CCDC3: variants seen among roughly 807,000 people sequenced by gnomAD.
CCDC3 encodes coiled-coil domain containing 3.
A neutral mutation model predicts 21.4 loss-of-function variants in CCDC3; 24 were observed. The ratio of observed to expected loss-of-function variants is 1.12; its 90% CI spans 0.81 to 1.58. The LOEUF (loss-of-function observed/expected upper bound fraction) is 1.58, where lower values mean the gene tolerates loss of function less well. Among genes scored for constraint, CCDC3 ranks in the 40% most tolerant of loss-of-function variants. CCDC3 has a pLI of 0.00. For missense variants in CCDC3, 425 were observed against 360.9 expected (o/e 1.18, Z -1.44); for synonymous variants, 186 against 166.0 (o/e 1.12, Z -0.93).
chr10:13,044,141 C>A (rs1033705327), intron 5 of CCDC3, among the ~76,000 whole-genome samples: 12 of 152,114 alleles, frequency 7.9e-5, no homozygotes, highest in Non-Finnish European at 1.5e-4. Flanking sequence ...TGTTTGTTGG[C>A]CATTTGTACA....
At chr10:13,042,928 G>C (rs1317587341) in intron 5 of CCDC3, among the ~76,000 whole-genome samples, 1 of 117,042 alleles carries the variant, frequency 8.5e-6, no homozygotes, top group Non-Finnish European at 1.8e-5. Context: ...AAAAAAAAAA[G>C]AAAAGAAAAA....
intron 4 of CCDC3, among the ~76,000 whole-genome samples, chr10:13,066,815 A>G (rs1445213981): frequency 6.6e-6 from 1 of 152,122 alleles, no homozygotes; most frequent in Non-Finnish European, 1.5e-5. Context: ...CTGGGATTCA[A>G]TCTGTGAGGT....
Position 12,897,187 on chromosome 10 carries a change from T to G in CCDC3, c.*1229A>C, listed in dbSNP as rs941882658. The stretch of plus-strand genomic sequence containing the variant: ...GGGCCCTTGTTGGGTTGAAAGGCCA[T>G]GATCAGAAGATAACCCAGAAAAGGC... On this transcript the variant is annotated 3_prime_UTR_variant, in exon 3 of 3. Coordinates refer to ENST00000378825, the MANE Select transcript of CCDC3 (RefSeq NM_031455.4). 1 of 152,244 alleles carries G rather than the reference T, an allele frequency of 6.6e-6. No individual in the cohort carries two copies. Among genetic ancestry groups the G allele is most frequent in the African/African-American group, 2.4e-5 (1 of 41,440 alleles). The allele number at this position is 152,244 out of a possible 1,614,324, so 9.4% of individuals were successfully genotyped here.
At chr10:13,096,454 G>A (rs1357365558) in intron 3 of CCDC3, among the ~76,000 whole-genome samples, 2 of 152,154 alleles carry the variant, frequency 1.3e-5, no homozygotes, top group East Asian at 1.9e-4. Flanking sequence ...TTACAGGCGT[G>A]AGCCACCGCC....
At chr10:13,096,782 C>T (rs1832633084) in intron 3 of CCDC3, among the ~76,000 whole-genome samples, 1 of 152,162 alleles carries the variant, frequency 6.6e-6, no homozygotes, top group Non-Finnish European at 1.5e-5. Context: ...TGTCTGGGTG[C>T]TGCAGGGACT....
At chr10:12,913,716 T>G (rs2131206863) in intron 2 of CCDC3, among the ~76,000 whole-genome samples, 1 of 152,372 alleles carries the variant, frequency 6.6e-6, no homozygotes, top group East Asian at 1.9e-4. Context: ...TAGCTGTGGG[T>G]TTGTCTTACG....
intron 2 of CCDC3, among the ~76,000 whole-genome samples, chr10:12,953,795 GAAC>G (rs1474341919): frequency 6.6e-6 from 1 of 152,182 alleles, no homozygotes; most frequent in African/African-American, 2.4e-5. Flanking sequence ...GAGAAGAAGA[GAAC>G]AACATAAGTC....
At chr10:12,974,818 T>C (rs911699979) in intron 2 of CCDC3, among the ~76,000 whole-genome samples, 4 of 152,192 alleles carry the variant, frequency 2.6e-5, no homozygotes, top group African/African-American at 4.8e-5. Context: ...TGGATCGCCT[T>C]TGGATTTCAT....
intron 2 of CCDC3, among the ~76,000 whole-genome samples, chr10:12,906,103 G>C (rs1164692793): frequency 6.6e-6 from 1 of 152,214 alleles, no homozygotes; most frequent in Non-Finnish European, 1.5e-5. Flanking sequence ...GGTGGGCAGA[G>C]AGCCACGTCC....
chr10:12,981,122 T>A (rs1284020065), intron 2 of CCDC3, among the ~76,000 whole-genome samples: 1 of 151,632 alleles, frequency 6.6e-6, no homozygotes, highest in East Asian at 1.9e-4. Context: ...AGCCTCCTGC[T>A]TCAGCCTTCC....
chr10:13,004,504 A>G (rs12773220), upstream of CCDC3, among the ~76,000 whole-genome samples: 73,453 of 151,482 alleles, frequency 0.48, 17,903 homozygotes, highest in Non-Finnish European at 0.5. Flanking sequence ...GCATTATGGC[A>G]GGGAAGGCAT....
intron 2 of CCDC3, among the ~76,000 whole-genome samples, chr10:12,938,878 T>C (rs1358406132): frequency 6.6e-6 from 1 of 152,220 alleles, no homozygotes; most frequent in Non-Finnish European, 1.5e-5. Flanking sequence ...GGTGAATGAA[T>C]CAAGGATCCA....
At chr10:13,042,555 T>C (rs1035490357) in intron 5 of CCDC3, among the ~76,000 whole-genome samples, 6 of 152,190 alleles carry the variant, frequency 3.9e-5, no homozygotes, top group African/African-American at 7.2e-5. Flanking sequence ...TTATGTGCTG[T>C]TGGATGCAGA....
upstream of CCDC3, among the ~76,000 whole-genome samples, chr10:13,003,460 G>A (rs1280529741): frequency 6.6e-6 from 1 of 152,140 alleles, no homozygotes; most frequent in African/African-American, 2.4e-5. Flanking sequence ...CACTAGAATA[G>A]GGCCAAATAT....
chr10:13,037,297 T>A (rs943044426), intron 5 of CCDC3, among the ~76,000 whole-genome samples: 5 of 152,144 alleles, frequency 3.3e-5, no homozygotes, highest in Non-Finnish European at 5.9e-5. Context: ...GTTTTCAAGT[T>A]TTTTTTAAAT....
intron 2 of CCDC3, among the ~76,000 whole-genome samples, chr10:12,928,648 CA>C (rs1436233009): frequency 1.3e-5 from 2 of 152,140 alleles, no homozygotes; most frequent in East Asian, 3.8e-4. Flanking sequence ...AACAATCATC[CA>C]AGTCAACCGA....
At chr10:12,944,697 A>T (rs1834888792) in intron 2 of CCDC3, among the ~76,000 whole-genome samples, 1 of 152,230 alleles carries the variant, frequency 6.6e-6, no homozygotes, top group Admixed American at 6.5e-5. Context: ...TCCAGTTTAG[A>T]AATATAATAC....
At position 12,898,146 on chromosome 10, in the gene CCDC3, G is replaced by C. The variant is rs571967158; in HGVS notation, c.*270C>G. 14 of 477,782 alleles carry C rather than the reference G, an allele frequency of 2.9e-5. No homozygotes were observed. Among genetic ancestry groups the C allele is most frequent in the Non-Finnish European group, 3.7e-6 (1 of 270,138 alleles). 29.6% of individuals were successfully genotyped at this position (477,782 alleles called of 1,614,324 possible). A position where few individuals can be genotyped will look rare whatever the true frequency, so the allele number is the denominator to read the frequency against. On this transcript the variant is annotated 3_prime_UTR_variant, in exon 3 of 3. Transcript: ENST00000378825. ...GCTCTTTCTGGGCTGCTCTGCAGGC[G>C]AGCATTCAGCACTCAGGGATCCCAC...
chr10:13,037,173 T>C (rs1035733475), intron 5 of CCDC3, among the ~76,000 whole-genome samples: 6 of 152,320 alleles, frequency 3.9e-5, no homozygotes, highest in African/African-American at 1.4e-4. Context: ...TTTTTAAAAA[T>C]AAAAATGTCT....
Sources: allele counts gnomAD v4.1 joint callset (sites outside exome capture counted in the v4.1 genomes callset), GRCh38; gene constraint gnomAD v4.1.1; transcripts MANE v1.5; gene names NCBI Gene and HGNC (gene_info 2026-07-23, HGNC 2026-07-21).